Variants in CTNND2 observed in about 807,000 individuals in gnomAD.
CTNND2 encodes the protein catenin delta-2.
Under a neutral mutation model 144.4 loss-of-function variants are expected in CTNND2, and 22 were observed. The observed-to-expected ratio is 0.15, with a 90% confidence interval of 0.11 to 0.22. CTNND2 has a LOEUF of 0.22. Among genes scored for constraint, CTNND2 ranks in the 10% least tolerant of loss-of-function variants. The pLI is 1.00. For synonymous variants in CTNND2, 751 were observed against 695.6 expected (o/e 1.08, Z -1.25); for missense variants, 1,353 against 1,618.8 (o/e 0.84, Z 2.82).
At chr5:11,098,858 GC>G in intron 14 of CTNND2, 110 bp from the exon 15 acceptor site, 1 of 986,076 alleles carries the variant, frequency 1.0e-6, no homozygotes, top group Non-Finnish European at 1.5e-6. Context: ...TATCACATTT[GC>G]TGAACATAGA....
intron 2 of CTNND2, among the ~76,000 whole-genome samples, chr5:11,614,688 A>G (rs1366828142): frequency 6.6e-6 from 1 of 152,196 alleles, no homozygotes; most frequent in Non-Finnish European, 1.5e-5. Context: ...ATGACGGAAT[A>G]TTCTAGGGCA....
Position 11,161,010 on chromosome 5 carries a change from A to G in CTNND2, c.1976-1251T>C, listed in dbSNP as rs535965215. Among the ~76,000 whole-genome samples the G allele has an allele frequency of 3.3e-5, 5 of 152,264 alleles. 1 individual carries two copies. In the East Asian group the frequency reaches 9.6e-4, roughly 29 times the overall value. On this transcript the variant is annotated intron_variant, in intron 11 of 21. Transcript: ENST00000304623. The stretch of plus-strand genomic sequence containing the variant: ...TCAACTGTCTTTAGAAATACCATTT[A>G]CTGGAAATTTTATTGAAGTGAATGC...
At chr5:11,128,758 A>ATATTATATAT (rs1282089219) in intron 12 of CTNND2, among the ~76,000 whole-genome samples, 24 of 35,554 alleles carry the variant, frequency 6.8e-4, no homozygotes, top group East Asian at 5.4e-3. Context: ...TATTATATAT[A>ATATTATATAT]AATATATATA....
chr5:11,497,515 G>T (rs1373906423), intron 3 of CTNND2, among the ~76,000 whole-genome samples: 1 of 78,274 alleles, frequency 1.3e-5, no homozygotes, highest in Non-Finnish European at 2.6e-5. Flanking sequence ...GATGTGCGGG[G>T]GGGTGGGGGG....
intron 7 of CTNND2, among the ~76,000 whole-genome samples, chr5:11,368,022 G>C (rs967737387): frequency 2.0e-5 from 3 of 152,200 alleles, no homozygotes; most frequent in Non-Finnish European, 4.4e-5. Flanking sequence ...CTGGGGCCTA[G>C]AGAGCTCAGG....
chr5:11,597,835 T>G (rs552803232), intron 2 of CTNND2, among the ~76,000 whole-genome samples: 1 of 152,252 alleles, frequency 6.6e-6, no homozygotes, highest in East Asian at 1.9e-4. Flanking sequence ...GTACTGAGAC[T>G]ATGGGCATGA....
At chr5:11,411,759 C>G in intron 4 of CTNND2, 107 bp from the exon 5 acceptor site, 2 of 792,904 alleles carry the variant, frequency 2.5e-6, no homozygotes, top group Non-Finnish European at 4.0e-6. Flanking sequence ...TATATTACCT[C>G]TATGAAGTTT....
At chr5:11,831,590 C>G (rs985905841) in intron 1 of CTNND2, among the ~76,000 whole-genome samples, 4 of 151,626 alleles carry the variant, frequency 2.6e-5, no homozygotes, top group African/African-American at 9.7e-5. Context: ...ATGGCGTGAA[C>G]CTGGAGGCGG....
At chr5:11,597,150 C>T (rs1779548304) in intron 2 of CTNND2, among the ~76,000 whole-genome samples, 1 of 152,182 alleles carries the variant, frequency 6.6e-6, no homozygotes, top group Non-Finnish European at 1.5e-5. Context: ...AGAAACAGCA[C>T]ATTGTTCTTC....
chr5:11,701,188 G>A (rs889233783), intron 2 of CTNND2, among the ~76,000 whole-genome samples: 3 of 152,100 alleles, frequency 2.0e-5, no homozygotes, highest in Non-Finnish European at 4.4e-5. Context: ...GACATAGCAG[G>A]CTTTCTGAGT....
At chr5:11,161,159 T>C (rs897673672) in intron 11 of CTNND2, among the ~76,000 whole-genome samples, 3 of 152,232 alleles carry the variant, frequency 2.0e-5, no homozygotes, top group Non-Finnish European at 4.4e-5. Context: ...AGCACAGCCA[T>C]GTCGGTTCAT....
intron 2 of CTNND2, among the ~76,000 whole-genome samples, chr5:11,726,718 T>C (rs1426252385): frequency 6.6e-6 from 1 of 152,224 alleles, no homozygotes; most frequent in Non-Finnish European, 1.5e-5. Flanking sequence ...GCTTATTTTC[T>C]AATCTAGCAT....
intron 14 of CTNND2, among the ~76,000 whole-genome samples, chr5:11,101,999 A>G (rs185209868): frequency 1.3e-5 from 2 of 152,098 alleles, no homozygotes; most frequent in East Asian, 3.9e-4. Flanking sequence ...GCACGAAGAC[A>G]GAGGCATTTG....
intron 8 of CTNND2, among the ~76,000 whole-genome samples, chr5:11,351,837 T>C (rs999850204): frequency 1.3e-4 from 20 of 152,278 alleles, no homozygotes; most frequent in Non-Finnish European, 2.6e-4. Flanking sequence ...AAAATAAGCA[T>C]ATAATAAAGT....
intron 1 of CTNND2, among the ~76,000 whole-genome samples, chr5:11,869,655 G>A (rs1372127955): frequency 3.3e-5 from 5 of 152,146 alleles, no homozygotes; most frequent in African/African-American, 7.2e-5. Flanking sequence ...TGATAATGAC[G>A]GTTGCACAGC....
At chr5:11,661,762 C>T (rs183289709) in intron 2 of CTNND2, among the ~76,000 whole-genome samples, 18 of 151,966 alleles carry the variant, frequency 1.2e-4, no homozygotes, top group Admixed American at 2.6e-4. Flanking sequence ...AATTTTTTTC[C>T]GATAAGCTGA....
rs951073253 is a variant in CTNND2, at chr5:10,988,303, C to A, written c.3212-61G>T. Reference sequence around the variant, plus strand: ...CTCATCCCACAGCGTGTGTGCCTTCCACACAGTCAGGGTCCTCACTATGCA... The same window carrying A: ...CTCATCCCACAGCGTGTGTGCCTTCAACACAGTCAGGGTCCTCACTATGCA... On this transcript the variant is annotated intron_variant, in intron 19 of 21. Transcript: ENST00000304623. This position sits in a 1 kb window ranked among gnomAD's most constrained non-coding sequence, Gnocchi z 5.9. The A allele has an allele frequency of 1.9e-5, 30 of 1,603,466 alleles. No homozygotes were observed. Among genetic ancestry groups the A allele is most frequent in the Non-Finnish European group, 2.5e-5 (29 of 1,172,968 alleles).
At chr5:11,325,455 C>A (rs1411769472) in intron 9 of CTNND2, among the ~76,000 whole-genome samples, 1 of 152,022 alleles carries the variant, frequency 6.6e-6, no homozygotes, top group Non-Finnish European at 1.5e-5. Context: ...TTGTGATATG[C>A]AATTATGAAT....
chr5:11,521,003 G>A lies in CTNND2; in HGVS notation c.287+43941C>T, dbSNP rs138934498. 6.0e-4 allele frequency among the ~76,000 whole-genome samples: 91 copies of A among 152,224 alleles called. 1 individual carries two copies. In the East Asian group the frequency reaches 0.014, roughly 24 times the overall value. On this transcript the variant is annotated intron_variant, in intron 3 of 21. Coordinates refer to ENST00000304623, the MANE Select transcript of CTNND2 (RefSeq NM_001332.4). Reference sequence around the variant, plus strand: ...ATTTGGTTTACAGTTTACGTGATACGATTTTCATTGTTTTCCGATTTTCTA... The same window carrying A: ...ATTTGGTTTACAGTTTACGTGATACAATTTTCATTGTTTTCCGATTTTCTA...
Sources: allele counts gnomAD v4.1 joint callset (sites outside exome capture counted in the v4.1 genomes callset), GRCh38; gene constraint gnomAD v4.1.1; non-coding constraint Gnocchi (gnomAD v3.1); transcripts MANE v1.5; gene names NCBI Gene and HGNC (gene_info 2026-07-23, HGNC 2026-07-21).